The following ARAP1 variants were observed in gnomAD, a reference collection of about 807,000 sequenced individuals.
The protein encoded by ARAP1 is arf-GAP with Rho-GAP domain, ANK repeat and PH domain-containing protein 1.
A neutral mutation model predicts 172.2 loss-of-function variants in ARAP1; 76 were observed. The ratio of observed to expected loss-of-function variants is 0.44; its 90% CI spans 0.37 to 0.53. The LOEUF (loss-of-function observed/expected upper bound fraction) is 0.53. Among genes scored for constraint, ARAP1 ranks in the 20% least tolerant of loss-of-function variants. The probability of loss-of-function intolerance (pLI) is 0.00; values close to 1 mark genes in which losing one functional copy is unlikely to be tolerated. For missense variants in ARAP1, 1,686 were observed against 1,977.5 expected (o/e 0.85, Z 2.80); for synonymous variants, 804 against 803.3 (o/e 1.00, Z -0.01).
At chr11:72,712,905 G>T (rs1857093494) in intron 5 of ARAP1, 1 of 597,268 alleles carries the variant, frequency 1.7e-6, no homozygotes, top group Admixed American at 3.0e-5. Flanking sequence ...CAGGACACGA[G>T]TTCCTAACAC....
At chr11:72,746,093 C>T (rs1478928585) in intron 1 of ARAP1, among the ~76,000 whole-genome samples, 2 of 152,218 alleles carry the variant, frequency 1.3e-5, no homozygotes, top group Non-Finnish European at 2.9e-5. Flanking sequence ...ACATCCCATA[C>T]TGGCCCTGAT....
At position 72,695,833 on chromosome 11, in the gene ARAP1, T is replaced by C; in HGVS notation, c.3305A>G (p.Asn1102Ser). The C allele has an allele frequency of 6.2e-7, 1 of 1,613,888 alleles. No homozygotes were observed. The highest frequency in any genetic ancestry group is 1.1e-5 in the South Asian group (1 of 91,032). ...VQCFSDTNQM[N>S]VHNLAIVFGP... ...AAACACAATTGCCAGGTTGTGCACG[T>C]TCATCTGGTTCGTGTCTGAGAAGCA... The change falls in exon 24 of 35, where the codon AAC becomes AGC. Residue 1102 changes from asparagine to serine, a missense_variant. Asn to Ser is a conservative substitution (Grantham distance 46). Around this residue, in one of 5 missense-constraint regions of ARAP1, gnomAD observed 379 missense variants for 500.1 expected, o/e 0.76. Transcript: ENST00000393609. The surrounding 1 kb of genome is among the most constrained non-coding windows in gnomAD (Gnocchi z 4.4).
At chr11:72,713,109 G>T in intron 5 of ARAP1, 67 bp downstream of exon 5, 1 of 1,517,492 alleles carries the variant, frequency 6.6e-7, no homozygotes, top group Non-Finnish European at 9.1e-7. Flanking sequence ...TAGTCCTCAG[G>T]GTCTGACAGG....
At position 72,696,628 on chromosome 11, in the gene ARAP1, A is replaced by G. The variant is rs1460497419; in HGVS notation, c.3193T>C (p.Ser1065Pro). Reference sequence around the variant, plus strand: ...CGCACCAGCAGCTCTCGGTACCTGGAGACCTTCTCCTCCTCGTCCTCAATC... The same window carrying G: ...CGCACCAGCAGCTCTCGGTACCTGGGGACCTTCTCCTCCTCGTCCTCAATC... ...SEIEDEEEKVSRYRELLVRLP... is the reference protein window; with the variant it reads ...SEIEDEEEKVPRYRELLVRLP... The change falls in exon 23 of 35, where the codon TCC (serine) becomes CCC (proline). Residue 1065 changes from serine to proline, a missense_variant. Around this residue, in one of 5 missense-constraint regions of ARAP1, gnomAD observed 274 missense variants for 262.7 expected, o/e 1.04. Coordinates refer to ENST00000393609, the MANE Select transcript of ARAP1 (RefSeq NM_001040118.3). 1 of 1,604,936 alleles carries G rather than the reference A, an allele frequency of 6.2e-7. No individual in the cohort carries two copies. Among genetic ancestry groups the G allele is most frequent in the Non-Finnish European group, 8.5e-7 (1 of 1,174,382 alleles).
At position 72,719,641 on chromosome 11, in the gene ARAP1, CCTT is replaced by C. The variant is rs573614357; in HGVS notation, c.510-5323_510-5321del. On this transcript the variant is annotated intron_variant, in intron 3 of 34. Coordinates refer to ENST00000393609, the MANE Select transcript of ARAP1 (RefSeq NM_001040118.3). The stretch of plus-strand genomic sequence containing the variant: ...GCCTTAGCGGCCTCTAATGCCACCT[CCTT>C]CTCCTTCACCCCTACCCGTTCCTAT... Among the ~76,000 whole-genome samples the C allele has an allele frequency of 1.2e-4, 18 of 152,322 alleles. No homozygotes were observed. The South Asian group carries it at 3.7e-3, about 32-fold the overall frequency.
Position 72,685,568 on chromosome 11 carries a change from C to G in ARAP1, c.*96G>C. 3.9e-6 allele frequency: 6 copies of G among 1,541,954 alleles called. No homozygotes were observed. The South Asian group carries it at 5.6e-5, about 14-fold the overall frequency. ...TTGTGGGGTGCAGTTTCCCATGCAC[C>G]CCCCGCTGGCTCACATCAGGCCTTG... On this transcript the variant is annotated 3_prime_UTR_variant, in exon 35 of 35. Transcript: ENST00000393609.
At chr11:72,747,295 G>C (rs1858397223) in intron 1 of ARAP1, among the ~76,000 whole-genome samples, 1 of 152,172 alleles carries the variant, frequency 6.6e-6, no homozygotes, top group African/African-American at 2.4e-5. Context: ...AGGACTCTCT[G>C]ATGCCTTAAT....
chr11:72,750,991 G>C (rs1336683824), intron 1 of ARAP1, among the ~76,000 whole-genome samples: 2 of 152,196 alleles, frequency 1.3e-5, no homozygotes, highest in Non-Finnish European at 2.9e-5. Context: ...GGCTGGATGT[G>C]TGAAGCATGG....
At chr11:72,723,614 G>T (rs1857596980) in intron 3 of ARAP1, among the ~76,000 whole-genome samples, 1 of 152,194 alleles carries the variant, frequency 6.6e-6, no homozygotes, top group Non-Finnish European at 1.5e-5. Context: ...AGCTGGGGCG[G>T]TGAGCTCAGG....
In ARAP1 at chr11:72,725,820, G is replaced by A. The variant is rs150965914; in HGVS notation, c.509+800C>T. On this transcript the variant is annotated intron_variant, in intron 3 of 34. Coordinates refer to ENST00000393609, the MANE Select transcript of ARAP1 (RefSeq NM_001040118.3). This position sits in a 1 kb window ranked among gnomAD's most constrained non-coding sequence, Gnocchi z 4.3. ...AACAGGGACCAGGAGACCTCTCTCC[G>A]CACACCCCTTCCTCCTCCAAGAAGC... Among the ~76,000 whole-genome samples the A allele has an allele frequency of 8.5e-5, 13 of 152,180 alleles. No homozygotes were observed. Among genetic ancestry groups the A allele is most frequent in the African/African-American group, 2.9e-4 (12 of 41,510 alleles).
intron 1 of ARAP1, among the ~76,000 whole-genome samples, chr11:72,732,886 G>C (rs1180062064): frequency 2.6e-5 from 4 of 152,140 alleles, no homozygotes; most frequent in African/African-American, 9.7e-5. Flanking sequence ...AGGAGGCTGA[G>C]GTGGGAGAAT....
At position 72,692,743 on chromosome 11, in the gene ARAP1, A is replaced by T; in HGVS notation, c.3987+10T>A. The T allele has an allele frequency of 6.2e-7, 1 of 1,613,798 alleles. No individual in the cohort carries two copies. On this transcript the variant is annotated intron_variant, in intron 30 of 34. Transcript: ENST00000393609. ...GTAAGGCAGCTGGCAGTCAGCCCAC[A>T]GCTACTCACGGTCTCAGGGGCCCCG...
At chr11:72,739,338 G>A (rs1314334117) in intron 1 of ARAP1, among the ~76,000 whole-genome samples, 1 of 152,180 alleles carries the variant, frequency 6.6e-6, no homozygotes, top group Non-Finnish European at 1.5e-5. Context: ...GCCCATGTGT[G>A]GTGTGGCCTG....
At position 72,711,480 on chromosome 11, in the gene ARAP1, G is replaced by T. The variant is rs553411221; in HGVS notation, c.1042C>A (p.Arg348=). 5.0e-6 allele frequency: 8 copies of T among 1,612,738 alleles called. No homozygotes were observed. Among genetic ancestry groups the T allele is most frequent in the Non-Finnish European group, 5.9e-6 (7 of 1,178,892 alleles). ...TGATCAGTATCCAGTCTCACCCATC[G>T]TTTCTGATAGATGTAAGATCTGGAG... ...PPQGSYIYQK[R]WVRLDTDHLR... is the part of the protein sequence containing the mutation. The change falls in exon 8 of 35, where the codon CGA becomes AGA. Residue 348 remains arginine (R), a synonymous_variant. Transcript: ENST00000393609.
chr11:72,719,468 T>C (rs1171127728), intron 3 of ARAP1, among the ~76,000 whole-genome samples: 1 of 152,202 alleles, frequency 6.6e-6, no homozygotes, highest in East Asian at 1.9e-4. Context: ...GTTTGGGACC[T>C]TGAGCAGGTC....
At position 72,685,799 on chromosome 11, in the gene ARAP1, T is replaced by C. The variant is rs111571611; in HGVS notation, c.4336-118A>G. 1.0e-5 allele frequency: 15 copies of C among 1,441,210 alleles called. No homozygotes were observed. In the African/African-American group the frequency reaches 1.3e-4, roughly 12 times the overall value. The allele number at this position is 1,441,210 out of a possible 1,614,324, so 89.3% of individuals were successfully genotyped here. ...CACTGCCAGCCGGGGAGCACTCCAA[T>C]CAGCCAGGCTCCCAGCTCCCAGGGC... On this transcript the variant is annotated intron_variant, in intron 34 of 34. Coordinates refer to ENST00000393609, the MANE Select transcript of ARAP1 (RefSeq NM_001040118.3).
chr11:72,709,777 A>C (rs927633133), intron 11 of ARAP1, 93 bp downstream of exon 11: 48 of 1,352,354 alleles, frequency 3.5e-5, no homozygotes, highest in Middle Eastern at 3.6e-4. Flanking sequence ...GAGGGAACCC[A>C]TCCCATAGGA....
chr11:72,735,139 C>T (rs984439150), intron 1 of ARAP1, among the ~76,000 whole-genome samples: 2 of 152,078 alleles, frequency 1.3e-5, no homozygotes, highest in Non-Finnish European at 2.9e-5. Context: ...CACCACCACG[C>T]CCGGCTAATT....
At chr11:72,722,157 G>A (rs1276049030) in intron 3 of ARAP1, 2 of 806,334 alleles carry the variant, frequency 2.5e-6, no homozygotes, top group Non-Finnish European at 3.0e-6. Flanking sequence ...AGGACAGAGA[G>A]AGAGAGAGAG....
Sources: allele counts gnomAD v4.1 joint callset (sites outside exome capture counted in the v4.1 genomes callset), GRCh38; gene constraint gnomAD v4.1.1; regional missense constraint gnomAD v4.1.1; non-coding constraint Gnocchi (gnomAD v3.1); transcripts MANE v1.5; gene names NCBI Gene and HGNC (gene_info 2026-07-23, HGNC 2026-07-21).